The following CUBN variants were observed in gnomAD, a reference collection of about 807,000 sequenced individuals.
The protein encoded by CUBN is cubilin, also known as 460 kDa receptor.
In CUBN, 282 loss-of-function variants were observed where a neutral mutation model predicts 405.3. The observed-to-expected ratio is 0.70, with a 90% CI of 0.63 to 0.77. The LOEUF is 0.77. Ranked by LOEUF, CUBN falls within the 30% of genes least tolerant of loss-of-function variation. CUBN has a pLI of 0.00. For missense variants in CUBN, 4,514 were observed against 4,475.2 expected (o/e 1.01, Z -0.25); for synonymous variants, 1,684 against 1,617.0 (o/e 1.04, Z -0.99).
intron 27 of CUBN, among the ~76,000 whole-genome samples, chr10:17,038,431 AT>A (rs1193684958): frequency 2.0e-5 from 3 of 152,124 alleles, no homozygotes; most frequent in Non-Finnish European, 2.9e-5. Flanking sequence ...GATCTGAAAT[AT>A]TTTGTTTTGC....
chr10:16,957,131 T>C (rs902306922), intron 31 of CUBN, among the ~76,000 whole-genome samples: 1 of 152,304 alleles, frequency 6.6e-6, no homozygotes, highest in Admixed American at 6.5e-5. Flanking sequence ...CATCAGAACT[T>C]ATTCCTCTTA....
chr10:16,832,579 G>A (rs1564375139), intron 64 of CUBN, among the ~76,000 whole-genome samples: 1 of 152,182 alleles, frequency 6.6e-6, no homozygotes, highest in South Asian at 2.1e-4. Flanking sequence ...GAGTTTGGGC[G>A]TTTTTCCCTC....
chr10:16,993,761 T>G (rs1429222415), intron 28 of CUBN, among the ~76,000 whole-genome samples: 1 of 151,882 alleles, frequency 6.6e-6, no homozygotes, highest in African/African-American at 2.4e-5. Flanking sequence ...CGCCTTGGCC[T>G]CCCAAAGTGC....
At chr10:16,830,034 C>T (rs1297672590) in intron 65 of CUBN, among the ~76,000 whole-genome samples, 1 of 151,782 alleles carries the variant, frequency 6.6e-6, no homozygotes. Context: ...CTCCCAAGTT[C>T]AAGTGATTCT....
At chr10:16,922,605 T>A (rs181885451) in intron 43 of CUBN, among the ~76,000 whole-genome samples, 54 of 152,328 alleles carry the variant, frequency 3.5e-4, no homozygotes, top group African/African-American at 1.3e-3. Context: ...GATTCCTGCC[T>A]GCTTCATCAC....
chr10:16,913,106 A>C (rs1333360728), intron 48 of CUBN, among the ~76,000 whole-genome samples: 4 of 152,172 alleles, frequency 2.6e-5, no homozygotes, highest in Non-Finnish European at 5.9e-5. Flanking sequence ...GAAGGATTCC[A>C]AAATAGACAT....
intron 59 of CUBN, among the ~76,000 whole-genome samples, chr10:16,868,843 A>G (rs1840264031): frequency 6.6e-6 from 1 of 152,176 alleles, no homozygotes; most frequent in East Asian, 1.9e-4. Context: ...CCATTTAAAC[A>G]GGTCTTCCAA....
At chr10:17,118,068 T>C (rs1836946981) in intron 6 of CUBN, among the ~76,000 whole-genome samples, 1 of 152,216 alleles carries the variant, frequency 6.6e-6, no homozygotes, top group Admixed American at 6.5e-5. Flanking sequence ...AAATCCTTTC[T>C]CTTTATCTCT....
intron 10 of CUBN, among the ~76,000 whole-genome samples, chr10:17,105,875 C>A (rs1836618066): frequency 6.6e-6 from 1 of 152,202 alleles, no homozygotes; most frequent in South Asian, 2.1e-4. Flanking sequence ...TGAGCTGCAC[C>A]TGGGGAAGAC....
At chr10:16,925,156 G>A in intron 43 of CUBN, 85 bp downstream of exon 43, 1 of 1,061,444 alleles carries the variant, frequency 9.4e-7, no homozygotes, top group Non-Finnish European at 1.4e-6. Flanking sequence ...TTCTATTACT[G>A]TTGGTTCAGA....
In CUBN at chr10:16,938,979, T is replaced by C. The variant is rs765339921; in HGVS notation, c.5717A>G (p.Tyr1906Cys). 6 of 1,613,556 alleles carry C rather than the reference T, an allele frequency of 3.7e-6. No homozygotes were observed. Among genetic ancestry groups the C allele is most frequent in the South Asian group, 1.1e-5 (1 of 91,072 alleles). Reference sequence around the variant, plus strand: ...GAAACTCACCCTTAATTTGTCATAATAGCAGTTTTGTATTTCTTCTATGTC... The same window carrying C: ...GAAACTCACCCTTAATTTGTCATAACAGCAGTTTTGTATTTCTTCTATGTC... The part of the protein sequence containing the change: ...EMDIEEIQNC[Y>C]YDKLRIYDGP... The change falls in exon 38 of 67, where the codon TAT (tyrosine) becomes TGT (cysteine). Residue 1906 changes from tyrosine (Y) to cysteine (C), a missense_variant. This residue lies in a region of CUBN where 1,613 missense variants were observed against 1,542.8 expected (regional missense o/e 1.05). Coordinates refer to ENST00000377833, the MANE Select transcript of CUBN (RefSeq NM_001081.4).
chr10:17,082,476 C>A (rs1458880180), intron 17 of CUBN, among the ~76,000 whole-genome samples: 1 of 152,136 alleles, frequency 6.6e-6, no homozygotes, highest in Admixed American at 6.6e-5. Flanking sequence ...TAGTGTTCTG[C>A]AAAGCCTGAG....
At chr10:17,041,805 G>A (rs778063529) in intron 26 of CUBN, among the ~76,000 whole-genome samples, 14 of 152,130 alleles carry the variant, frequency 9.2e-5, no homozygotes, top group Middle Eastern at 6.8e-3. Flanking sequence ...AGTACCAAGC[G>A]AATAGATAGA....
At chr10:17,060,572 C>T (rs988507531) in intron 22 of CUBN, among the ~76,000 whole-genome samples, 5 of 152,328 alleles carry the variant, frequency 3.3e-5, no homozygotes, top group Admixed American at 2.0e-4. Flanking sequence ...CAGAGAAGTG[C>T]TGGGACACCT....
rs374409203 is a variant in CUBN, at chr10:16,937,757, G to A, written c.5761C>T (p.Arg1921Cys). The A allele has an allele frequency of 7.6e-5, 122 of 1,613,970 alleles. 1 individual carries two copies. The South Asian group carries it at 1.1e-3, about 14-fold the overall frequency. Reference sequence around the variant, plus strand: ...GTACCACAGTAAGCTCCAATTAGGCGGGCGTGAATGCTAGGCCCATCATAG... The same window carrying A: ...GTACCACAGTAAGCTCCAATTAGGCAGGCGTGAATGCTAGGCCCATCATAG... ...RIYDGPSIHA[R>C]LIGAYCGTQT... The change falls in exon 39 of 67, where the codon CGC becomes TGC. Residue 1921 changes from arginine to cysteine, a missense_variant. By Grantham distance (180) the Arg-to-Cys change is radical. Transcript: ENST00000377833.
chr10:16,840,398 C>A lies in CUBN; in HGVS notation c.9964G>T (p.Val3322Leu). The A allele has an allele frequency of 6.2e-7, 1 of 1,614,116 alleles. No homozygotes were observed. The highest frequency in any genetic ancestry group is 8.5e-7 in the Non-Finnish European group (1 of 1,180,024). ...TGCGAGGTCAGCTGTAATGCCCACA[C>A]AGTTATCTTGACCTGCTGATGCGGA... ...SPPHQQVKIT[V>L]WALQLTSQDC... The change falls in exon 62 of 67, where the codon GTG (valine) becomes TTG (leucine). Residue 3322 changes from valine to leucine, a missense_variant. Physicochemically the swap from Val to Leu is conservative, Grantham distance 32. Transcript: ENST00000377833.
rs550101770 is a variant in CUBN, at chr10:16,906,510, G to A, written c.7706-101C>T. On this transcript the variant is annotated intron_variant, in intron 49 of 66. Transcript: ENST00000377833. ...CAGTAACTAAAACATCAACATTACTGCTTTGATTTGTTTTTCTAGATGCAG... is the reference window on the plus strand; with the variant it reads ...CAGTAACTAAAACATCAACATTACTACTTTGATTTGTTTTTCTAGATGCAG... The A allele has an allele frequency of 4.6e-5, 39 of 855,638 alleles. No homozygotes were observed. In the Admixed American group the frequency reaches 7.3e-4, roughly 16 times the overall value. The allele number at this position is 855,638 out of a possible 1,614,324, so 53.0% of individuals were successfully genotyped here. A position where few individuals can be genotyped will look rare whatever the true frequency, so the allele number is the denominator to read the frequency against.
intron 28 of CUBN, among the ~76,000 whole-genome samples, chr10:16,994,352 T>G (rs1371390617): frequency 1.3e-5 from 2 of 152,220 alleles, no homozygotes; most frequent in Non-Finnish European, 2.9e-5. Flanking sequence ...TAAACCCTTT[T>G]TGCTTCTCCT....
At chr10:17,090,464 C>A (rs1221576114) in intron 14 of CUBN, among the ~76,000 whole-genome samples, 2 of 150,496 alleles carry the variant, frequency 1.3e-5, no homozygotes, top group African/African-American at 4.9e-5. Flanking sequence ...GGCTTTGGAA[C>A]TATAAATATA....
Sources: allele counts gnomAD v4.1 joint callset (sites outside exome capture counted in the v4.1 genomes callset), GRCh38; gene constraint gnomAD v4.1.1; regional missense constraint gnomAD v4.1.1; transcripts MANE v1.5; gene names NCBI Gene and HGNC (gene_info 2026-07-23, HGNC 2026-07-21).